The following IL16 variants were observed in gnomAD, a reference collection of about 807,000 sequenced individuals.
IL16 encodes the protein interleukin 16.
IL16 carries 67 observed loss-of-function variants against 110.1 expected under a neutral mutation model. The ratio of observed to expected loss-of-function variants is 0.61; its 90% CI spans 0.50 to 0.75. The LOEUF is 0.75. Ranked by LOEUF, IL16 falls within the 30% of genes least tolerant of loss-of-function variation. The pLI, the probability that IL16 is intolerant of heterozygous loss-of-function variation, is 0.00. For missense variants in IL16, 1,545 were observed against 1,655.0 expected, an observed-to-expected ratio of 0.93 and a Z score of 1.15; for synonymous variants, 689 against 662.9, an observed-to-expected ratio of 1.04 and a Z score of -0.61.
intron 6 of IL16, among the ~76,000 whole-genome samples, chr15:81,277,835 G>A (rs930508823): frequency 5.3e-5 from 8 of 152,284 alleles, no homozygotes; most frequent in African/African-American, 1.7e-4. Context: ...TGTAAACATA[G>A]TATTTATATC....
chr15:81,271,264 A>T (rs1020185316), intron 5 of IL16, among the ~76,000 whole-genome samples: 4 of 143,748 alleles, frequency 2.8e-5, no homozygotes, highest in Non-Finnish European at 5.9e-5. Flanking sequence ...AAAAATAAAT[A>T]AAATAAAATA....
chr15:81,202,725 T>G (rs1242995157), intron 1 of IL16, among the ~76,000 whole-genome samples: 1 of 152,236 alleles, frequency 6.6e-6, no homozygotes, highest in East Asian at 1.9e-4. Flanking sequence ...AGTCTATCAT[T>G]GTTGGACATT....
chr15:81,190,077 T>C (rs1419196744), intron 1 of IL16, among the ~76,000 whole-genome samples: 1 of 152,158 alleles, frequency 6.6e-6, no homozygotes, highest in Non-Finnish European at 1.5e-5. Context: ...TCTCGGACAT[T>C]CTGTGACAGC....
At chr15:81,205,132 C>G (rs1184328725) in intron 1 of IL16, among the ~76,000 whole-genome samples, 1 of 151,952 alleles carries the variant, frequency 6.6e-6, no homozygotes, top group Non-Finnish European at 1.5e-5. Context: ...CTGGTGAAAT[C>G]CCATCTGTAC....
Position 81,299,726 on chromosome 15 carries a change from G to T in IL16, c.2400G>T (p.Arg800Ser). 1 of 1,614,180 alleles carries T rather than the reference G, an allele frequency of 6.2e-7. No individual in the cohort carries two copies. Among genetic ancestry groups the T allele is most frequent in the Non-Finnish European group, 8.5e-7 (1 of 1,180,036 alleles). Residue 800 changes from arginine (R) to serine (S), a missense_variant, in exon 14 of 19, where the codon AGG becomes AGT. Coordinates refer to ENST00000683961, the MANE Select transcript of IL16 (RefSeq NM_172217.5). ...TTCGCCAAAGCTTGAAAGGTTTGAGGAATCGTGCTTCAGACCCAAGAGGGC... is the reference window on the plus strand; with the variant it reads ...TTCGCCAAAGCTTGAAAGGTTTGAGTAATCGTGCTTCAGACCCAAGAGGGC... ...AWFRQSLKGL[R>S]NRASDPRGLP...
At chr15:81,264,945 T>C (rs1411214304) in intron 3 of IL16, among the ~76,000 whole-genome samples, 2 of 152,236 alleles carry the variant, frequency 1.3e-5, no homozygotes, top group Non-Finnish European at 2.9e-5. Flanking sequence ...ATTTTTTAAT[T>C]ACATAGGTGG....
At chr15:81,280,046 A>G (rs983738861) in intron 8 of IL16, among the ~76,000 whole-genome samples, 1 of 152,254 alleles carries the variant, frequency 6.6e-6, no homozygotes, top group African/African-American at 2.4e-5. Context: ...AGAGAGAGAG[A>G]GAGAGAAACA....
chr15:81,278,883 A>G lies in IL16; in HGVS notation c.857A>G (p.Lys286Arg). ...CTAACACATCAGGATGCTTTGCAGAAGTTCAAGGTGACCATTTCTTATCAA... is the reference window on the plus strand; with the variant it reads ...CTAACACATCAGGATGCTTTGCAGAGGTTCAAGGTGACCATTTCTTATCAA... ...AGLTHQDALQKFKQAKKGLLT... is the reference protein window; with the variant it reads ...AGLTHQDALQRFKQAKKGLLT... Residue 286 changes from lysine (K) to arginine (R), a missense_variant, in exon 7 of 19, where the codon AAG becomes AGG. By Grantham distance (26) the Lys-to-Arg change is conservative. Around this residue, in one of 3 missense-constraint regions of IL16, gnomAD observed 1,185 missense variants for 1,238.8 expected, o/e 0.96. Transcript: ENST00000683961. 1 of 1,611,310 alleles carries G rather than the reference A, an allele frequency of 6.2e-7. No homozygotes were observed. The highest frequency in any genetic ancestry group is 8.5e-7 in the Non-Finnish European group (1 of 1,177,382).
chr15:81,263,108 TAA>T (rs1555419652), intron 3 of IL16, among the ~76,000 whole-genome samples: 3 of 152,104 alleles, frequency 2.0e-5, no homozygotes, highest in Admixed American at 6.5e-5. Flanking sequence ...CTGATTTCCT[TAA>T]GTTTTAATTA....
intron 6 of IL16, 123 bp from the exon 7 acceptor site, chr15:81,278,694 T>C (rs904641886): frequency 1.4e-6 from 1 of 725,482 alleles, no homozygotes; most frequent in African/African-American, 1.8e-5. Flanking sequence ...GAGAAAATGT[T>C]CTTCCAGAGC....
intron 2 of IL16, among the ~76,000 whole-genome samples, chr15:81,226,564 T>C (rs1896794799): frequency 6.6e-6 from 1 of 152,194 alleles, no homozygotes; most frequent in African/African-American, 2.4e-5. Flanking sequence ...TCCAGTACCT[T>C]TGAAAGGGGT....
intron 18 of IL16, among the ~76,000 whole-genome samples, chr15:81,307,990 T>C (rs1333512229): frequency 1.3e-5 from 2 of 152,258 alleles, no homozygotes; most frequent in Non-Finnish European, 2.9e-5. Context: ...TATCAGGATT[T>C]GTGAAGATCA....
chr15:81,306,484 G>A lies in IL16; in HGVS notation c.3744G>A (p.Leu1248=), dbSNP rs1900567939. Residue 1248 remains leucine (L), a synonymous_variant, in exon 18 of 19, where the codon CTG becomes CTA. Coordinates refer to ENST00000683961, the MANE Select transcript of IL16 (RefSeq NM_172217.5). ...TGTCGGCAGGGCTGGGCTTCAGCCT[G>A]GAAGGAGGGAAGGGCTCCCTACACG... ...EKMSAGLGFS[L]EGGKGSLHGD... 2 of 1,613,434 alleles carry A rather than the reference G, an allele frequency of 1.2e-6. No homozygotes were observed. The highest frequency in any genetic ancestry group is 1.3e-5 in the African/African-American group (1 of 74,748).
intron 11 of IL16, chr15:81,292,151 G>C (rs1899750346): frequency 5.6e-6 from 2 of 355,536 alleles, no homozygotes; most frequent in Non-Finnish European, 1.1e-5. Flanking sequence ...CTGGGCCTCT[G>C]TAACCCTATC....
intron 6 of IL16, among the ~76,000 whole-genome samples, chr15:81,277,316 T>C (rs762271172): frequency 6.6e-6 from 1 of 152,230 alleles, no homozygotes; most frequent in Non-Finnish European, 1.5e-5. Flanking sequence ...AGATAGTGGC[T>C]TATAATTTTC....
At chr15:81,271,334 A>G (rs1898629713) in intron 5 of IL16, among the ~76,000 whole-genome samples, 1 of 151,916 alleles carries the variant, frequency 6.6e-6, no homozygotes, top group African/African-American at 2.4e-5. Flanking sequence ...TTAACCCGGT[A>G]TGCTGGCACA....
Position 81,231,364 on chromosome 15 carries a change from CT to C in IL16, c.312+5654del, listed in dbSNP as rs1567008714. 2.9e-4 allele frequency among the ~76,000 whole-genome samples: 42 copies of C among 146,910 alleles called. 1 individual carries two copies. The highest frequency in any genetic ancestry group is 9.8e-4 in the African/African-American group (39 of 39,854). Reference sequence around the variant, plus strand: ...TCTCTCTCTCTCTCTCTCTCTCTCTCTCTCTCTCTCTCTCTCTCCCTCTCTT... The same window carrying C: ...TCTCTCTCTCTCTCTCTCTCTCTCTCCTCTCTCTCTCTCTCTCCCTCTCTT... On this transcript the variant is annotated intron_variant, in intron 2 of 18. Transcript: ENST00000683961.
At chr15:81,243,143 GTATATA>G (rs1275444035) in intron 2 of IL16, among the ~76,000 whole-genome samples, 1 of 47,242 alleles carries the variant, frequency 2.1e-5, no homozygotes, top group Non-Finnish European at 3.6e-5. Flanking sequence ...AGCTATATAA[GTATATA>G]TATATATATA....
intron 4 of IL16, among the ~76,000 whole-genome samples, chr15:81,268,880 G>T (rs1898509008): frequency 6.6e-6 from 1 of 152,242 alleles, no homozygotes; most frequent in African/African-American, 2.4e-5. Flanking sequence ...GAGGCAGAGA[G>T]GGCTAAGTCA....
Sources: gnomAD v4.1 joint callset for allele counts (sites outside exome capture counted in the v4.1 genomes callset) on GRCh38, gnomAD v4.1.1 for gene constraint, gnomAD v4.1.1 regional missense constraint, MANE v1.5 for transcripts, NCBI Gene and HGNC (gene_info 2026-07-23, HGNC 2026-07-21) for gene names.